CLASP2: variants seen among roughly 807,000 people sequenced by gnomAD.
CLASP2 encodes cytoplasmic linker associated protein 2, also known as CLIP-associating protein 2.
A neutral mutation model predicts 194.4 loss-of-function variants in CLASP2; 47 were observed. The observed-to-expected ratio is 0.24, with a 90% confidence interval of 0.19 to 0.31. The LOEUF is 0.31. Among genes scored for constraint, CLASP2 ranks in the 10% least tolerant of loss-of-function variants. The probability of loss-of-function intolerance (pLI) is 1.00; values close to 1 mark genes in which losing one functional copy is unlikely to be tolerated. For missense variants in CLASP2, 1,445 were observed against 1,823.6 expected (o/e 0.79, Z 3.78); for synonymous variants, 619 against 633.5 (o/e 0.98, Z 0.34).
intron 26 of CLASP2, among the ~76,000 whole-genome samples, chr3:33,570,104 A>G (rs1286513769): frequency 2.6e-5 from 4 of 152,210 alleles, no homozygotes; most frequent in East Asian, 1.9e-4. Flanking sequence ...CCACAGTTTT[A>G]TAACAGTACT....
intron 6 of CLASP2, among the ~76,000 whole-genome samples, chr3:33,673,316 C>G (rs36146155): frequency 0.19 from 28,156 of 151,508 alleles, 2,674 homozygotes; most frequent in Admixed American, 0.31. Flanking sequence ...GAATTTTCAA[C>G]CCAGAATTTC....
chr3:33,540,149 CG>C (rs1559929823), intron 32 of CLASP2, among the ~76,000 whole-genome samples: 1 of 151,408 alleles, frequency 6.6e-6, no homozygotes, highest in Admixed American at 6.6e-5. Context: ...AGGCTGGTCT[CG>C]AACTCCTGAC....
intron 30 of CLASP2, among the ~76,000 whole-genome samples, chr3:33,549,112 T>G (rs1457313458): frequency 6.6e-6 from 1 of 152,180 alleles, no homozygotes; most frequent in Non-Finnish European, 1.5e-5. Context: ...TCCAGTAATT[T>G]GAATGTTTTC....
chr3:33,692,107 T>C (rs555654493), intron 2 of CLASP2, among the ~76,000 whole-genome samples: 40 of 152,122 alleles, frequency 2.6e-4, no homozygotes, highest in Non-Finnish European at 5.1e-4. Flanking sequence ...AGGCAGAGGC[T>C]GCAGTAAGCT....
intron 1 of CLASP2, among the ~76,000 whole-genome samples, chr3:33,710,651 T>A (rs1045463442): frequency 6.6e-6 from 1 of 151,486 alleles, no homozygotes; most frequent in Non-Finnish European, 1.5e-5. Context: ...TACCGAGGAG[T>A]TGGCCAGGCG....
intron 24 of CLASP2, 68 bp downstream of exon 24, chr3:33,576,101 A>T: frequency 8.2e-7 from 1 of 1,215,384 alleles, no homozygotes. Context: ...ACATGGATAG[A>T]CTGGCCTACT....
intron 24 of CLASP2, among the ~76,000 whole-genome samples, chr3:33,573,884 TC>T (rs909671126): frequency 1.2e-4 from 19 of 152,086 alleles, no homozygotes; most frequent in Admixed American, 6.5e-5. Context: ...CCCTCATGTC[TC>T]CTAGAGAAAT....
intron 14 of CLASP2, among the ~76,000 whole-genome samples, 150 bp downstream of exon 14, chr3:33,608,414 AGAG>A (rs1477891132): frequency 1.3e-5 from 2 of 152,220 alleles, no homozygotes; most frequent in African/African-American, 4.8e-5. Context: ...GTAATGAGTA[AGAG>A]GAGCACAACA....
At chr3:33,597,035 C>G (rs979158089) in intron 18 of CLASP2, among the ~76,000 whole-genome samples, 7 of 152,150 alleles carry the variant, frequency 4.6e-5, no homozygotes, top group Non-Finnish European at 8.8e-5. Context: ...TCATGCCAAT[C>G]CCCTGCTCTA....
rs371555607 is a variant in CLASP2, at chr3:33,602,997, G to T, written c.1879C>A (p.Arg627Ser). 20 of 1,610,344 alleles carry T rather than the reference G, an allele frequency of 1.2e-5. No individual in the cohort carries two copies. The highest frequency in any genetic ancestry group is 1.7e-5 in the Non-Finnish European group (20 of 1,178,212). ...HAAGQSVRSG[R>S]LGAGALNAGS... ...GCATTCAGGGCACCTGCACCTAAGC[G>T]CCCGCTTCGCACAGACTGTCCAGCA... is the stretch of plus-strand genomic sequence containing the variant. The change falls in exon 18 of 39, where the codon CGC becomes AGC. Residue 627 changes from arginine (R) to serine (S), a missense_variant. Physicochemically the swap from Arg to Ser is moderately radical, Grantham distance 110. This residue lies in a region of CLASP2 where 174 missense variants were observed against 179.0 expected (regional missense o/e 0.97). Transcript: ENST00000682230.
At chr3:33,673,539 G>T (rs879795259) in intron 6 of CLASP2, among the ~76,000 whole-genome samples, 7 of 152,030 alleles carry the variant, frequency 4.6e-5, no homozygotes, top group South Asian at 2.1e-4. Flanking sequence ...ATCAACTAAC[G>T]AGCAAAATAA....
intron 34 of CLASP2, among the ~76,000 whole-genome samples, chr3:33,526,094 T>A (rs1300817879): frequency 6.6e-6 from 1 of 151,768 alleles, no homozygotes. Flanking sequence ...TTTTTTTTTT[T>A]AATTTATAGC....
Position 33,709,840 on chromosome 3 carries a change from T to C in CLASP2, c.195+7968A>G, listed in dbSNP as rs562811822. Among the ~76,000 whole-genome samples, 9 of 152,354 alleles carry C rather than the reference T, an allele frequency of 5.9e-5. No homozygotes were observed. The South Asian group carries it at 1.7e-3, about 28-fold the overall frequency. On this transcript the variant is annotated intron_variant, in intron 1 of 38. Coordinates refer to ENST00000682230, the MANE Select transcript of CLASP2 (RefSeq NM_001365631.1). ...TCACAACATGTGGCTGTTATTTGGT[T>C]CCTAATTTTTCTTAAAATAACTTAC...
chr3:33,638,316 A>T (rs944564938), intron 8 of CLASP2, among the ~76,000 whole-genome samples: 2 of 151,752 alleles, frequency 1.3e-5, no homozygotes, highest in Non-Finnish European at 2.9e-5. Context: ...TTATTTATTT[A>T]TTTTTTGAGA....
At chr3:33,534,187 A>AGCCC (rs2056891784) in intron 34 of CLASP2, among the ~76,000 whole-genome samples, 1 of 152,216 alleles carries the variant, frequency 6.6e-6, no homozygotes, top group South Asian at 2.1e-4. Context: ...GTGTATAGTT[A>AGCCC]TATATTACTA....
At chr3:33,673,513 A>G (rs552324927) in intron 6 of CLASP2, among the ~76,000 whole-genome samples, 1 of 152,212 alleles carries the variant, frequency 6.6e-6, no homozygotes, top group East Asian at 1.9e-4. Context: ...GACCATCAAG[A>G]CTAGGAAGAA....
At chr3:33,605,869 T>G (rs1178736407) in intron 16 of CLASP2, among the ~76,000 whole-genome samples, 4 of 151,970 alleles carry the variant, frequency 2.6e-5, no homozygotes, top group African/African-American at 7.3e-5. Flanking sequence ...CCTTAGCCTC[T>G]CAAAGTGCTG....
chr3:33,713,550 T>G (rs2093139203), intron 1 of CLASP2, among the ~76,000 whole-genome samples: 1 of 152,182 alleles, frequency 6.6e-6, no homozygotes, highest in South Asian at 2.1e-4. Flanking sequence ...ATAATTGAGG[T>G]GACACCAATG....
chr3:33,695,212 G>T (rs1161377440), intron 2 of CLASP2, among the ~76,000 whole-genome samples: 1 of 129,646 alleles, frequency 7.7e-6, no homozygotes, highest in East Asian at 2.3e-4. Flanking sequence ...ACACCAGTAA[G>T]CCTGCTAATT....
Sources: gnomAD v4.1 joint callset for allele counts (sites outside exome capture counted in the v4.1 genomes callset) on GRCh38, gnomAD v4.1.1 for gene constraint, gnomAD v4.1.1 regional missense constraint, MANE v1.5 for transcripts, NCBI Gene and HGNC (gene_info 2026-07-23, HGNC 2026-07-21) for gene names.